The following CAST variants were observed in gnomAD, a reference collection of about 807,000 sequenced individuals.
The protein encoded by CAST is calpastatin.
CAST carries 76 observed loss-of-function variants against 119.6 expected under a neutral mutation model. That is an observed-to-expected ratio of 0.64 (90% CI 0.53 to 0.77). The LOEUF (loss-of-function observed/expected upper bound fraction) is 0.77, where lower values mean the gene tolerates loss of function less well. Ranked by LOEUF, CAST falls within the 30% of genes least tolerant of loss-of-function variation. The pLI is 0.00. For synonymous variants in CAST, 319 were observed against 331.6 expected (o/e 0.96, Z 0.41); for missense variants, 953 against 946.5 (o/e 1.01, Z -0.09).
intron 1 of CAST, among the ~76,000 whole-genome samples, chr5:96,565,917 A>G (rs1746458399): frequency 6.6e-6 from 1 of 152,214 alleles, no homozygotes; most frequent in African/African-American, 2.4e-5. Flanking sequence ...TGGCTTTATT[A>G]TCGTGACCCA....
chr5:96,699,928 A>G lies in CAST; in HGVS notation c.210+4021A>G, dbSNP rs551453774. 5.6e-4 allele frequency among the ~76,000 whole-genome samples: 86 copies of G among 152,322 alleles called. 1 individual carries two copies. The highest frequency in any genetic ancestry group is 2.7e-3 in the South Asian group (13 of 4,828). On this transcript the variant is annotated intron_variant, in intron 3 of 31. Coordinates refer to ENST00000675179, the MANE Select transcript of CAST (RefSeq NM_001750.7). ...TTTCAAACAGAAGAAAGCGCAAACA[A>G]CTTTCCTCCCAGCCTAGACAGGAGG...
Position 96,740,738 on chromosome 5 carries a change from G to A in CAST, c.880-7G>A, listed in dbSNP as rs370497948. ...TCTCAACATCATCAAATTAATATTT[G>A]TTTCAGAAAAAGGAAGGGATCACAG... On this transcript the variant is annotated splice_region_variant and splice_polypyrimidine_tract_variant and intron_variant, in intron 12 of 31. Transcript: ENST00000675179. The A allele has an allele frequency of 1.9e-6, 3 of 1,593,546 alleles. No individual in the cohort carries two copies. The East Asian group carries it at 6.7e-5, about 36-fold the overall frequency.
At chr5:96,504,440 T>C in the CAST span, among the ~76,000 whole-genome samples, 1 of 152,146 alleles carries the variant, frequency 6.6e-6, no homozygotes, top group East Asian at 1.9e-4. Flanking sequence ...AGATGATCAC[T>C]GTGTTTGAGC....
chr5:96,109,149 G>A, the CAST span, among the ~76,000 whole-genome samples: 17 of 152,284 alleles, frequency 1.1e-4, no homozygotes, highest in South Asian at 4.1e-4. Context: ...AGATGAACCC[G>A]GTACCTCAGA....
At position 96,598,153 on chromosome 5, in the gene CAST, G is replaced by A. The variant is rs111668778; in HGVS notation, c.60+68273G>A. ...CTTGCTGCCCATACATAACAAAATG[G>A]TAGTGCTTCTCTATAAATAAGCTCT... On this transcript the variant is annotated intron_variant, in intron 1 of 11. Transcript: ENST00000505143. Among the ~76,000 whole-genome samples the A allele has an allele frequency of 4.1e-4, 62 of 152,296 alleles. 1 individual carries two copies. Among genetic ancestry groups the A allele is most frequent in the Admixed American group, 1.4e-3 (22 of 15,292 alleles).
At chr5:96,035,782 G>A in the CAST span, among the ~76,000 whole-genome samples, 11 of 148,504 alleles carry the variant, frequency 7.4e-5, no homozygotes, top group Admixed American at 6.1e-4. Flanking sequence ...TGTGTGTAAA[G>A]CAGGGGGTGG....
At chr5:96,227,130 A>AGG in the CAST span, among the ~76,000 whole-genome samples, 1 of 152,144 alleles carries the variant, frequency 6.6e-6, no homozygotes, top group Non-Finnish European at 1.5e-5. Flanking sequence ...TCAGAGAGTG[A>AGG]GGGGGAGGGT....
chr5:96,386,783 G>A, the CAST span, among the ~76,000 whole-genome samples: 3 of 152,160 alleles, frequency 2.0e-5, no homozygotes, highest in Non-Finnish European at 4.4e-5. Context: ...TGGCCAACAT[G>A]GCAAAACCCT....
the CAST span, among the ~76,000 whole-genome samples, chr5:96,489,113 C>A: frequency 7.7e-3 from 1,177 of 152,344 alleles, 5 homozygotes; most frequent in Non-Finnish European, 0.01. Context: ...TCAGTTTACA[C>A]AGCACATGCT....
At chr5:95,988,078 A>C in the CAST span, among the ~76,000 whole-genome samples, 1 of 152,222 alleles carries the variant, frequency 6.6e-6, no homozygotes, top group South Asian at 2.1e-4. Context: ...AGCTTTTGTC[A>C]GGTAAGTAGC....
At chr5:96,399,801 T>A in the CAST span, 7 of 672,404 alleles carry the variant, frequency 1.0e-5, no homozygotes, top group African/African-American at 1.3e-4. Context: ...GTCTCTTAGT[T>A]AGTCCCCATG....
the CAST span, among the ~76,000 whole-genome samples, chr5:96,116,949 A>G: frequency 1.3e-5 from 2 of 152,140 alleles, no homozygotes; most frequent in African/African-American, 4.8e-5. Flanking sequence ...TTCCTTCTTG[A>G]CTACTTTCCA....
At chr5:96,559,594 C>T (rs926409698) in intron 1 of CAST, among the ~76,000 whole-genome samples, 7 of 152,170 alleles carry the variant, frequency 4.6e-5, no homozygotes, top group African/African-American at 1.7e-4. Context: ...TGAGTGAACT[C>T]CCATTCACGA....
the CAST span, among the ~76,000 whole-genome samples, chr5:95,963,664 A>G: frequency 1.3e-5 from 2 of 151,726 alleles, no homozygotes; most frequent in Non-Finnish European, 2.9e-5. Flanking sequence ...CAAATAGTTC[A>G]TCTCTAAGCG....
chr5:96,026,818 G>A, the CAST span, among the ~76,000 whole-genome samples: 2 of 152,090 alleles, frequency 1.3e-5, no homozygotes, highest in Admixed American at 1.3e-4. Flanking sequence ...TCAATTCATG[G>A]TCTGGAATTA....
At chr5:95,988,760 A>T in the CAST span, among the ~76,000 whole-genome samples, 1 of 152,190 alleles carries the variant, frequency 6.6e-6, no homozygotes, top group Non-Finnish European at 1.5e-5. Flanking sequence ...TATTGCAAAG[A>T]TTAAGTGACA....
chr5:96,416,997 C>T, the CAST span, among the ~76,000 whole-genome samples: 1 of 152,164 alleles, frequency 6.6e-6, no homozygotes, highest in African/African-American at 2.4e-5. Flanking sequence ...TGATTTTATT[C>T]TATTGTGGAA....
chr5:96,560,531 A>T (rs990400119), intron 1 of CAST, among the ~76,000 whole-genome samples: 4 of 152,262 alleles, frequency 2.6e-5, no homozygotes, highest in African/African-American at 9.6e-5. Flanking sequence ...CCCATCAAAA[A>T]GTGGGCAAAG....
At chr5:96,219,993 C>T in the CAST span, among the ~76,000 whole-genome samples, 1 of 152,104 alleles carries the variant, frequency 6.6e-6, no homozygotes, top group Non-Finnish European at 1.5e-5. Flanking sequence ...CTGTATGTTG[C>T]CCAATGAACA....
Sources: allele counts gnomAD v4.1 joint callset (sites outside exome capture counted in the v4.1 genomes callset), GRCh38; gene constraint gnomAD v4.1.1; transcripts MANE v1.5; gene names NCBI Gene and HGNC (gene_info 2026-07-23, HGNC 2026-07-21).